The following CTNNA1 variants were observed in gnomAD, a reference collection of about 807,000 sequenced individuals.
CTNNA1 encodes the protein catenin alpha 1, also known as catenin alpha-1.
Under a neutral mutation model 98.4 loss-of-function variants are expected in CTNNA1, and 37 were observed. That is an observed-to-expected ratio of 0.38 (90% CI 0.29 to 0.49). The LOEUF is 0.49. Among genes scored for constraint, CTNNA1 ranks in the 20% least tolerant of loss-of-function variants. The pLI is 0.95. For synonymous variants in CTNNA1, 404 were observed against 413.2 expected (o/e 0.98, Z 0.27); for missense variants, 761 against 1,147.2 (o/e 0.66, Z 4.86).
intron 3 of CTNNA1, among the ~76,000 whole-genome samples, chr5:138,798,069 T>C (rs1757161113): frequency 6.6e-6 from 1 of 152,172 alleles, no homozygotes; most frequent in African/African-American, 2.4e-5. Context: ...TCCTCTGTCC[T>C]TTAGGAAACT....
chr5:138,774,126 G>A (rs1244610026), intron 1 of CTNNA1, among the ~76,000 whole-genome samples: 3 of 152,050 alleles, frequency 2.0e-5, no homozygotes, highest in African/African-American at 7.2e-5. Context: ...CAGGTGATCT[G>A]CCCACCTCAG....
chr5:138,840,393 CGT>C (rs1355000340), intron 7 of CTNNA1, among the ~76,000 whole-genome samples: 2 of 152,156 alleles, frequency 1.3e-5, no homozygotes, highest in Non-Finnish European at 2.9e-5. Context: ...CCTCTCCTCT[CGT>C]GTGTTTGTGT....
chr5:138,797,289 C>T (rs1038498432), intron 3 of CTNNA1, among the ~76,000 whole-genome samples: 1 of 152,064 alleles, frequency 6.6e-6, no homozygotes, highest in Non-Finnish European at 1.5e-5. Flanking sequence ...TAAACAATCA[C>T]CCATCAGGCT....
chr5:138,823,892 G>A (rs1760325014), intron 5 of CTNNA1, among the ~76,000 whole-genome samples: 1 of 142,760 alleles, frequency 7.0e-6, no homozygotes, highest in African/African-American at 2.6e-5. Context: ...GGGAGGCGGA[G>A]CTTGCAGTGA....
At chr5:138,928,689 T>C (rs1190744042) in intron 13 of CTNNA1, among the ~76,000 whole-genome samples, 4 of 152,146 alleles carry the variant, frequency 2.6e-5, no homozygotes, top group Non-Finnish European at 5.9e-5. Context: ...ATCTCAGCAC[T>C]TTGGGAGGCC....
At position 138,845,583 on chromosome 5, in the gene CTNNA1, G is replaced by A. The variant is rs115352286; in HGVS notation, c.1062+17865G>A. 4.2e-3 allele frequency among the ~76,000 whole-genome samples: 637 copies of A among 152,270 alleles called. 2 individuals carry two copies. Among genetic ancestry groups the A allele is most frequent in the African/African-American group, 0.015 (604 of 41,530 alleles). On this transcript the variant is annotated intron_variant, in intron 7 of 17. Coordinates refer to ENST00000302763, the MANE Select transcript of CTNNA1 (RefSeq NM_001903.5). ...TTTTCATTTAATTGTTGGTAGGTGC[G>A]AAGCAGCATGCATTTGTGTGTGAGA...
chr5:138,827,212 A>C (rs1433170082), intron 6 of CTNNA1, among the ~76,000 whole-genome samples: 1 of 152,174 alleles, frequency 6.6e-6, no homozygotes, highest in African/African-American at 2.4e-5. Context: ...TGCTAGTCTT[A>C]TACGGGTTTA....
At chr5:138,925,124 C>G in intron 12 of CTNNA1, 132 bp from the exon 13 acceptor site, 1 of 906,912 alleles carries the variant, frequency 1.1e-6, no homozygotes, top group Non-Finnish European at 1.6e-6. Flanking sequence ...ACTGTAAATA[C>G]CCTTCACACA....
At chr5:138,903,770 C>T (rs575225494) in intron 9 of CTNNA1, among the ~76,000 whole-genome samples, 5 of 152,258 alleles carry the variant, frequency 3.3e-5, no homozygotes, top group African/African-American at 9.6e-5. Context: ...AACCAGTTTC[C>T]TTTTCCACTT....
chr5:138,863,657 T>G (rs1369275739), intron 7 of CTNNA1, among the ~76,000 whole-genome samples: 3 of 152,364 alleles, frequency 2.0e-5, no homozygotes, highest in South Asian at 4.1e-4. Flanking sequence ...CCAGTTGGGT[T>G]CTTCTTGCCT....
intron 5 of CTNNA1, among the ~76,000 whole-genome samples, chr5:138,822,868 A>T (rs1262886550): frequency 6.6e-6 from 1 of 152,200 alleles, no homozygotes; most frequent in Non-Finnish European, 1.5e-5. Context: ...GAAGTTTCAG[A>T]AAAAGGAAGC....
chr5:138,801,099 C>A (rs1263896110), intron 3 of CTNNA1, among the ~76,000 whole-genome samples: 1 of 152,170 alleles, frequency 6.6e-6, no homozygotes, highest in South Asian at 2.1e-4. Flanking sequence ...TGATTAGCAT[C>A]GCATGCAGAT....
At chr5:138,772,975 A>G (rs1753713463) in intron 1 of CTNNA1, among the ~76,000 whole-genome samples, 1 of 152,152 alleles carries the variant, frequency 6.6e-6, no homozygotes, top group South Asian at 2.1e-4. Context: ...CTTTCATTTT[A>G]TAGATGATAA....
Position 138,934,474 on chromosome 5 carries a change from T to C in CTNNA1, c.*385T>C. The C allele has an allele frequency of 5.2e-6, 1 of 190,860 alleles. No individual in the cohort carries two copies. Among genetic ancestry groups the C allele is most frequent in the Non-Finnish European group, 1.1e-5 (1 of 92,930 alleles). 11.8% of individuals were successfully genotyped at this position (190,860 alleles called of 1,614,324 possible). A position where few individuals can be genotyped will look rare whatever the true frequency, so the allele number is the denominator to read the frequency against. On this transcript the variant is annotated 3_prime_UTR_variant, in exon 18 of 18. Transcript: ENST00000302763. The stretch of plus-strand genomic sequence containing the variant: ...TTGAGAGGGTGCAGTCCAGACAGCT[T>C]GACTGCTTTTAAATGACCAAAGATG...
At chr5:138,764,045 C>T (rs190849804) in intron 1 of CTNNA1, among the ~76,000 whole-genome samples, 195 of 152,170 alleles carry the variant, frequency 1.3e-3, no homozygotes, top group African/African-American at 4.6e-3. Context: ...AATTGCAGGG[C>T]GCGGTGTCTC....
chr5:138,916,177 C>CAA lies in CTNNA1; in HGVS notation c.1390-1552_1390-1551dup, dbSNP rs56935188. 9.8e-3 allele frequency among the ~76,000 whole-genome samples: 1,126 copies of CAA among 115,118 alleles called. 30 individuals are homozygous for CAA. The highest frequency in any genetic ancestry group is 0.037 in the African/African-American group (1,036 of 28,040). The allele number at this position is 115,118 out of a possible 152,430, so 75.5% of individuals were successfully genotyped here. A position where few individuals can be genotyped will look rare whatever the true frequency, so the allele number is the denominator to read the frequency against. On this transcript the variant is annotated intron_variant, in intron 10 of 17. Coordinates refer to ENST00000302763, the MANE Select transcript of CTNNA1 (RefSeq NM_001903.5). ...GAGATAGAAAGCAAATTAGTGGTTG[C>CAA]AAAAAAAAAAAAAAGAAGGGGCTAA... is the stretch of plus-strand genomic sequence containing the variant.
chr5:138,831,657 C>T (rs1326371796), intron 7 of CTNNA1, among the ~76,000 whole-genome samples: 1 of 152,120 alleles, frequency 6.6e-6, no homozygotes, highest in Middle Eastern at 3.2e-3. Flanking sequence ...CATCATCTTA[C>T]ATTATTTCTT....
At chr5:138,869,786 G>T (rs758871244) in intron 7 of CTNNA1, 4 of 152,582 alleles carry the variant, frequency 2.6e-5, no homozygotes, top group Admixed American at 6.6e-5. Context: ...AATTGATACA[G>T]AAATTAACTT....
chr5:138,869,137 A>G (rs373389501), intron 7 of CTNNA1: 1 of 151,038 alleles, frequency 6.6e-6, no homozygotes, highest in East Asian at 1.9e-4. Flanking sequence ...CTCAGTGTTG[A>G]TAGGAAGGTT....
Sources: allele counts gnomAD v4.1 joint callset (sites outside exome capture counted in the v4.1 genomes callset), GRCh38; gene constraint gnomAD v4.1.1; transcripts MANE v1.5; gene names NCBI Gene and HGNC (gene_info 2026-07-23, HGNC 2026-07-21).